DTD1: variants seen among roughly 807,000 people sequenced by gnomAD.
The protein encoded by DTD1 is D-tyrosyl-tRNA deacylase 1 homolog.
Under a neutral mutation model 25.6 loss-of-function variants are expected in DTD1, and 13 were observed. That is an observed-to-expected ratio of 0.51 (90% CI 0.33 to 0.81). DTD1 has a LOEUF of 0.81. Among genes scored for constraint, DTD1 ranks in the 30% least tolerant of loss-of-function variants. The pLI is 0.02. For synonymous variants in DTD1, 110 were observed against 103.6 expected, an observed-to-expected ratio of 1.06 and a Z score of -0.37; for missense variants, 193 against 266.4, an observed-to-expected ratio of 0.72 and a Z score of 1.92.
chr20:18,606,410 C>T (rs1284649903), intron 3 of DTD1, among the ~76,000 whole-genome samples: 2 of 137,304 alleles, frequency 1.5e-5, no homozygotes, highest in East Asian at 2.0e-4. Context: ...CCATTTGACC[C>T]GGCCATCCCA....
intron 4 of DTD1, among the ~76,000 whole-genome samples, chr20:18,629,634 T>A (rs763242884): frequency 6.6e-6 from 1 of 152,042 alleles, no homozygotes; most frequent in Non-Finnish European, 1.5e-5. Context: ...AACATAATCT[T>A]TCTTTTTTGT....
intron 4 of DTD1, among the ~76,000 whole-genome samples, chr20:18,708,236 A>ATAT (rs1568676672): frequency 0.14 from 396 of 2,870 alleles, 28 homozygotes; most frequent in Non-Finnish European, 0.29. Context: ...TATATTTTAT[A>ATAT]TATATATAAT....
At chr20:18,601,669 C>T (rs1290872391) in intron 3 of DTD1, among the ~76,000 whole-genome samples, 2 of 151,854 alleles carry the variant, frequency 1.3e-5, no homozygotes, top group Admixed American at 6.6e-5. Context: ...GGCACACTGA[C>T]ACCTCACACG....
intron 4 of DTD1, among the ~76,000 whole-genome samples, chr20:18,635,886 G>T (rs893132726): frequency 6.6e-6 from 1 of 152,114 alleles, no homozygotes; most frequent in Non-Finnish European, 1.5e-5. Context: ...TAAGGAAATT[G>T]CAAAAATTGA....
At chr20:18,750,831 A>G (rs2061318794) in intron 5 of DTD1, among the ~76,000 whole-genome samples, 2 of 152,222 alleles carry the variant, frequency 1.3e-5, no homozygotes, top group South Asian at 4.1e-4. Context: ...ATTTGATTGC[A>G]GGGTCAAGTA....
At chr20:18,738,188 A>G (rs181008978) in intron 4 of DTD1, among the ~76,000 whole-genome samples, 1 of 152,340 alleles carries the variant, frequency 6.6e-6, no homozygotes, top group African/African-American at 2.4e-5. Flanking sequence ...AGATTAAGCA[A>G]GAGAGGTCAT....
chr20:18,734,081 T>G (rs1286053206), intron 4 of DTD1, among the ~76,000 whole-genome samples: 1 of 152,252 alleles, frequency 6.6e-6, no homozygotes, highest in African/African-American at 2.4e-5. Context: ...AATTGTGTTT[T>G]AAACATGTTT....
At chr20:18,697,787 C>G (rs1370177928) in intron 4 of DTD1, among the ~76,000 whole-genome samples, 1 of 152,224 alleles carries the variant, frequency 6.6e-6, no homozygotes, top group Non-Finnish European at 1.5e-5. Context: ...TAGGTTCACG[C>G]CATTCTCCTG....
At chr20:18,730,521 T>C (rs1275677387) in intron 4 of DTD1, among the ~76,000 whole-genome samples, 4 of 152,236 alleles carry the variant, frequency 2.6e-5, no homozygotes, top group Admixed American at 6.5e-5. Context: ...TATCTTATTG[T>C]TTGTATTTGT....
At chr20:18,646,178 T>C (rs540414299) in intron 4 of DTD1, among the ~76,000 whole-genome samples, 1 of 152,346 alleles carries the variant, frequency 6.6e-6, no homozygotes, top group Non-Finnish European at 1.5e-5. Flanking sequence ...CCCGTCTTTG[T>C]GGCTGTCAAC....
chr20:18,644,620 A>G (rs2060843824), intron 4 of DTD1, among the ~76,000 whole-genome samples: 1 of 152,272 alleles, frequency 6.6e-6, no homozygotes, highest in Admixed American at 6.5e-5. Context: ...AAGGTTAGGA[A>G]TAATAGACCT....
chr20:18,668,029 G>T (rs2060938420), intron 4 of DTD1, among the ~76,000 whole-genome samples: 1 of 152,208 alleles, frequency 6.6e-6, no homozygotes, highest in East Asian at 1.9e-4. Context: ...GACAGAGGCT[G>T]CCAGTTCTTT....
chr20:18,625,446 G>T (rs920750295), intron 3 of DTD1, among the ~76,000 whole-genome samples: 1 of 152,232 alleles, frequency 6.6e-6, no homozygotes, highest in Admixed American at 6.5e-5. Context: ...TGTTGTCCCA[G>T]TGGTGGTTCA....
At chr20:18,609,130 G>A (rs1360850843) in intron 3 of DTD1, among the ~76,000 whole-genome samples, 1 of 151,516 alleles carries the variant, frequency 6.6e-6, no homozygotes, top group Non-Finnish European at 1.5e-5. Context: ...ACACCCTTTT[G>A]TAGACAGTTA....
At chr20:18,592,478 G>T (rs1357834615) in intron 1 of DTD1, 1 of 152,034 alleles carries the variant, frequency 6.6e-6, no homozygotes, top group East Asian at 1.9e-4. Context: ...GAGTTCCCAG[G>T]ACCAGAGGAC....
intron 3 of DTD1, among the ~76,000 whole-genome samples, chr20:18,596,601 C>A (rs2060612605): frequency 6.6e-6 from 1 of 151,248 alleles, no homozygotes; most frequent in African/African-American, 2.4e-5. Context: ...GTTCTTGTAG[C>A]CATATTTAAA....
Position 18,764,931 on chromosome 20 carries a change from C to T in DTD1, c.*1591C>T, listed in dbSNP as rs1302041543. 1 of 152,210 alleles carries T rather than the reference C, an allele frequency of 6.6e-6. No homozygotes were observed. Among genetic ancestry groups the T allele is most frequent in the East Asian group, 1.9e-4 (1 of 5,200 alleles). The allele number at this position is 152,210 out of a possible 1,614,324, so 9.4% of individuals were successfully genotyped here. ...CTTGCTGGATAACTGTCATGTTTCT[C>T]CACCACAGCATTTTATTGCCACCAA... On this transcript the variant is annotated 3_prime_UTR_variant, in exon 6 of 6. Coordinates refer to ENST00000377452, the MANE Select transcript of DTD1 (RefSeq NM_080820.6).
chr20:18,659,450 C>T lies in DTD1; in HGVS notation c.477+31217C>T, dbSNP rs571276395. On this transcript the variant is annotated intron_variant, in intron 4 of 5. Transcript: ENST00000377452. ...TCATGATGTTTAATTTCTCTTTTGT[C>T]ATATCAACTTAAGCTTGAAATTGAG... Among the ~76,000 whole-genome samples the T allele has an allele frequency of 1.2e-4, 19 of 152,296 alleles. No homozygotes were observed. In the East Asian group the frequency reaches 3.5e-3, roughly 28 times the overall value.
At chr20:18,633,250 A>G (rs2060795464) in intron 4 of DTD1, among the ~76,000 whole-genome samples, 1 of 151,830 alleles carries the variant, frequency 6.6e-6, no homozygotes. Flanking sequence ...CCTATGCTTC[A>G]CCTACTGCAT....
Sources: gnomAD v4.1 joint callset for allele counts (sites outside exome capture counted in the v4.1 genomes callset) on GRCh38, gnomAD v4.1.1 for gene constraint, MANE v1.5 for transcripts, NCBI Gene and HGNC (gene_info 2026-07-23, HGNC 2026-07-21) for gene names.